Variants in GSE1 observed in about 807,000 individuals in gnomAD.
GSE1 encodes Gse1 coiled-coil protein, also known as genetic suppressor element 1.
Under a neutral mutation model 112.6 loss-of-function variants are expected in GSE1, and 32 were observed. That is an observed-to-expected ratio of 0.28 (90% confidence interval 0.21 to 0.38). The LOEUF is 0.38. Among genes scored for constraint, GSE1 ranks in the 10% least tolerant of loss-of-function variants. The probability of loss-of-function intolerance (pLI) is 1.00; values close to 1 mark genes in which losing one functional copy is unlikely to be tolerated. For synonymous variants in GSE1, 1,115 were observed against 735.6 expected (o/e 1.52, Z -8.35); for missense variants, 2,348 against 1,699.2 (o/e 1.38, Z -6.71).
chr16:85,588,680 G>A (rs1329278785), intron 1 of GSE1, among the ~76,000 whole-genome samples: 1 of 152,218 alleles, frequency 6.6e-6, no homozygotes, highest in African/African-American at 2.4e-5. Context: ...CGACTTGGCG[G>A]GCTGCATAAA....
intron 2 of GSE1, among the ~76,000 whole-genome samples, chr16:85,456,585 T>TGTGTGTGTGC (rs2049833358): frequency 1.5e-5 from 1 of 64,982 alleles, no homozygotes; most frequent in African/African-American, 8.5e-5. Context: ...CTGCCGTGTG[T>TGTGTGTGTGC]GTGTGTGTGT....
chr16:85,269,860 G>A (rs1415543064), intron 1 of GSE1, among the ~76,000 whole-genome samples: 1 of 149,482 alleles, frequency 6.7e-6, no homozygotes, highest in South Asian at 2.1e-4. Context: ...CTACACACAC[G>A]CCATGTTGAT....
At chr16:85,402,711 C>T (rs113137734) in intron 2 of GSE1, among the ~76,000 whole-genome samples, 7,094 of 152,058 alleles carry the variant, frequency 0.047, 590 homozygotes, top group African/African-American at 0.16. Context: ...CACTTGAGCC[C>T]AGGAGTTCAA....
At chr16:85,385,350 G>A (rs2047664666) in intron 2 of GSE1, among the ~76,000 whole-genome samples, 1 of 152,228 alleles carries the variant, frequency 6.6e-6, no homozygotes, top group African/African-American at 2.4e-5. Flanking sequence ...GTGAGGCCAG[G>A]GCTCCCAGAA....
At chr16:85,312,143 C>T (rs926884980) in intron 1 of GSE1, among the ~76,000 whole-genome samples, 2 of 150,978 alleles carry the variant, frequency 1.3e-5, no homozygotes. Context: ...GCTTCCATCC[C>T]CTCCCGTGTG....
chr16:85,509,192 T>C (rs541337978), intron 2 of GSE1, among the ~76,000 whole-genome samples: 4 of 152,146 alleles, frequency 2.6e-5, no homozygotes, highest in Non-Finnish European at 1.5e-5. Flanking sequence ...GATGGGCGTG[T>C]GGGTATGTGT....
At chr16:85,370,324 G>A (rs1167227837) in intron 2 of GSE1, among the ~76,000 whole-genome samples, 1 of 152,094 alleles carries the variant, frequency 6.6e-6, no homozygotes, top group African/African-American at 2.4e-5. Flanking sequence ...AGTGCACTGG[G>A]CGTCCCTCTG....
At chr16:85,504,108 C>A (rs962375837) in intron 2 of GSE1, among the ~76,000 whole-genome samples, 1 of 152,224 alleles carries the variant, frequency 6.6e-6, no homozygotes, top group African/African-American at 2.4e-5. Context: ...CTGATCCCTA[C>A]CAGCTGGTAG....
Position 85,633,983 on chromosome 16 carries a change from T to C in GSE1, c.77T>C (p.Val26Ala). The part of the protein sequence containing the change: ...LSTATRTTAT[V>A]NPLTPSPLNG... ...ACCGCGACCAGGACCACCGCCACCG[T>C]CAACCCCCTCACCCCCTCGCCGCTC... Residue 26 changes from valine (V) to alanine (A), a missense_variant, in exon 2 of 16, where the codon GTC (valine) becomes GCC (alanine). Coordinates refer to ENST00000253458, the MANE Select transcript of GSE1 (RefSeq NM_014615.5). The C allele has an allele frequency of 6.2e-7, 1 of 1,612,796 alleles. No individual in the cohort carries two copies. Among genetic ancestry groups the C allele is most frequent in the Non-Finnish European group, 8.5e-7 (1 of 1,179,622 alleles).
intron 2 of GSE1, among the ~76,000 whole-genome samples, chr16:85,506,090 G>A (rs1028907718): frequency 2.6e-5 from 4 of 152,206 alleles, no homozygotes; most frequent in Admixed American, 6.5e-5. Flanking sequence ...ACCCACCCCC[G>A]GGGAGGTGAC....
intron 1 of GSE1, among the ~76,000 whole-genome samples, chr16:85,325,825 C>G (rs989103070): frequency 2.0e-5 from 3 of 150,926 alleles, no homozygotes; most frequent in Non-Finnish European, 4.4e-5. Flanking sequence ...GGCACGATCT[C>G]AGCTCACTGC....
At chr16:85,287,412 G>T (rs918277127) in intron 1 of GSE1, among the ~76,000 whole-genome samples, 1 of 152,078 alleles carries the variant, frequency 6.6e-6, no homozygotes, top group Non-Finnish European at 1.5e-5. Context: ...ATGTCCCTAC[G>T]GTGACTGACA....
In GSE1 at chr16:85,334,607, G is replaced by T. The variant is rs541572865; in HGVS notation, c.2284-22856G>T. Among the ~76,000 whole-genome samples, 10 of 152,360 alleles carry T rather than the reference G, an allele frequency of 6.6e-5. No homozygotes were observed. In the South Asian group the frequency reaches 2.1e-3, roughly 32 times the overall value. Reference sequence around the variant, plus strand: ...GCATTGACTTTTGGGGACGCTTGGCGTGGGGTGGGCCACTTGTGAGGAGCC... The same window carrying T: ...GCATTGACTTTTGGGGACGCTTGGCTTGGGGTGGGCCACTTGTGAGGAGCC... On this transcript the variant is annotated intron_variant, in intron 1 of 2. Coordinates refer to the GSE1 transcript ENST00000637419.
intron 1 of GSE1, among the ~76,000 whole-genome samples, chr16:85,621,491 C>G (rs960836511): frequency 6.6e-6 from 1 of 152,196 alleles, no homozygotes; most frequent in Non-Finnish European, 1.5e-5. Context: ...TTGTTTCCAC[C>G]TAAATGTACA....
At chr16:85,277,765 G>A (rs945904485) in intron 1 of GSE1, among the ~76,000 whole-genome samples, 1 of 152,196 alleles carries the variant, frequency 6.6e-6, no homozygotes, top group Non-Finnish European at 1.5e-5. Flanking sequence ...CTGCTTCTCC[G>A]TTGCCCCTGC....
intron 1 of GSE1, among the ~76,000 whole-genome samples, chr16:85,286,493 C>T (rs143300934): frequency 5.6e-4 from 86 of 152,304 alleles, no homozygotes; most frequent in Middle Eastern, 3.4e-3. Flanking sequence ...TCCAAATGTC[C>T]GTTCCCACAT....
At chr16:85,344,074 A>T (rs2046681995) in intron 1 of GSE1, among the ~76,000 whole-genome samples, 1 of 152,192 alleles carries the variant, frequency 6.6e-6, no homozygotes, top group South Asian at 2.1e-4. Context: ...ACGCCGTGCC[A>T]GGGCCTGGGA....
chr16:85,333,567 G>T (rs982132907), intron 1 of GSE1, among the ~76,000 whole-genome samples: 3 of 152,242 alleles, frequency 2.0e-5, no homozygotes, highest in African/African-American at 7.2e-5. Context: ...AGCTGGCTCC[G>T]CCTCTTTACT....
chr16:85,286,372 G>A (rs542147686), intron 1 of GSE1, among the ~76,000 whole-genome samples: 25 of 152,328 alleles, frequency 1.6e-4, no homozygotes, highest in Non-Finnish European at 2.1e-4. Flanking sequence ...AAAAGGGGGT[G>A]TCTGTGTCTT....
Sources: gnomAD v4.1 joint callset for allele counts (sites outside exome capture counted in the v4.1 genomes callset) on GRCh38, gnomAD v4.1.1 for gene constraint, MANE v1.5 for transcripts, NCBI Gene and HGNC (gene_info 2026-07-23, HGNC 2026-07-21) for gene names.